The following ARHGAP15 variants were observed in gnomAD, a reference collection of about 807,000 sequenced individuals.
The protein encoded by ARHGAP15 is rho GTPase-activating protein 15.
A neutral mutation model predicts 63.7 loss-of-function variants in ARHGAP15; 51 were observed. The ratio of observed to expected loss-of-function variants is 0.80; its 90% confidence interval spans 0.64 to 1.01. The LOEUF is 1.01. Ranked by LOEUF, ARHGAP15 falls within the 50% of genes least tolerant of loss-of-function variation. ARHGAP15 has a pLI of 0.00. For synonymous variants in ARHGAP15, 191 were observed against 193.8 expected, an observed-to-expected ratio of 0.99 and a Z score of 0.12; for missense variants, 560 against 564.6, an observed-to-expected ratio of 0.99 and a Z score of 0.08.
intron 12 of ARHGAP15, among the ~76,000 whole-genome samples, chr2:143,688,721 G>A (rs977296254): frequency 6.6e-6 from 1 of 152,148 alleles, no homozygotes; most frequent in Non-Finnish European, 1.5e-5. Flanking sequence ...ACAATTTTGA[G>A]TATGCACACA....
intron 6 of ARHGAP15, among the ~76,000 whole-genome samples, chr2:143,297,458 A>T (rs1464474535): frequency 6.6e-6 from 1 of 151,966 alleles, no homozygotes; most frequent in Non-Finnish European, 1.5e-5. Flanking sequence ...AGACCCTGTC[A>T]TCCTGATCTT....
chr2:143,505,225 G>C (rs1559015381), intron 9 of ARHGAP15, among the ~76,000 whole-genome samples: 1 of 152,284 alleles, frequency 6.6e-6, no homozygotes, highest in East Asian at 1.9e-4. Flanking sequence ...TGCCAATACA[G>C]TAGGCAGATC....
At chr2:143,241,546 T>G (rs1319568288) in intron 5 of ARHGAP15, among the ~76,000 whole-genome samples, 1 of 152,208 alleles carries the variant, frequency 6.6e-6, no homozygotes, top group Non-Finnish European at 1.5e-5. Flanking sequence ...AAGATCTGCA[T>G]GTGCCTAGAA....
At chr2:143,535,440 T>C (rs1031903284) in intron 10 of ARHGAP15, among the ~76,000 whole-genome samples, 2 of 152,158 alleles carry the variant, frequency 1.3e-5, no homozygotes, top group Non-Finnish European at 2.9e-5. Flanking sequence ...TGTGAAATCC[T>C]CCAATAGGAT....
intron 2 of ARHGAP15, among the ~76,000 whole-genome samples, chr2:143,170,842 C>T (rs1396704228): frequency 6.6e-6 from 1 of 152,066 alleles, no homozygotes; most frequent in Non-Finnish European, 1.5e-5. Context: ...TATTATTAGT[C>T]AGCATTTTAT....
chr2:143,423,341 C>T (rs1398949690), intron 6 of ARHGAP15, among the ~76,000 whole-genome samples: 1 of 68,584 alleles, frequency 1.5e-5, no homozygotes, highest in African/African-American at 4.4e-5. Flanking sequence ...CAAATAAAAT[C>T]TGTTTTCTAC....
chr2:143,173,458 G>A (rs533848297), intron 2 of ARHGAP15, among the ~76,000 whole-genome samples: 2 of 151,950 alleles, frequency 1.3e-5, no homozygotes, highest in African/African-American at 2.4e-5. Context: ...TTCAAGGGAG[G>A]GAATATCTCA....
chr2:143,383,427 G>A (rs1373987419), intron 6 of ARHGAP15, among the ~76,000 whole-genome samples: 1 of 152,030 alleles, frequency 6.6e-6, no homozygotes, highest in Non-Finnish European at 1.5e-5. Flanking sequence ...TAATAAAATT[G>A]TTTTAATGTC....
chr2:143,601,383 C>G (rs1029893417), intron 11 of ARHGAP15: 15 of 152,090 alleles, frequency 9.9e-5, no homozygotes, highest in Non-Finnish European at 1.6e-4. Flanking sequence ...ATTTTGAAAG[C>G]TAAATGCTTT....
intron 6 of ARHGAP15, among the ~76,000 whole-genome samples, chr2:143,399,764 T>C (rs1687919050): frequency 6.6e-6 from 1 of 151,952 alleles, no homozygotes. Context: ...CTAGGGCTTT[T>C]CTAGGAATGT....
At chr2:143,582,415 C>A (rs563574866) in intron 11 of ARHGAP15, among the ~76,000 whole-genome samples, 1 of 152,116 alleles carries the variant, frequency 6.6e-6, no homozygotes. Flanking sequence ...TAGATGCAGA[C>A]TCTGTGCTTT....
chr2:143,521,393 T>C (rs1171405278), intron 10 of ARHGAP15, among the ~76,000 whole-genome samples: 1 of 152,238 alleles, frequency 6.6e-6, no homozygotes, highest in African/African-American at 2.4e-5. Flanking sequence ...CTTATATTTA[T>C]ACACCAATTC....
chr2:143,674,941 T>C (rs1456730457), intron 12 of ARHGAP15, among the ~76,000 whole-genome samples: 2 of 152,136 alleles, frequency 1.3e-5, no homozygotes, highest in Admixed American at 6.5e-5. Context: ...CAAATAGATT[T>C]GCCACATCAT....
At chr2:143,535,124 A>T (rs1257008876) in intron 10 of ARHGAP15, among the ~76,000 whole-genome samples, 1 of 152,162 alleles carries the variant, frequency 6.6e-6, no homozygotes, top group Non-Finnish European at 1.5e-5. Context: ...TTCTAAGTAC[A>T]GTAATATACT....
intron 12 of ARHGAP15, among the ~76,000 whole-genome samples, chr2:143,677,844 T>G (rs981513911): frequency 6.6e-6 from 1 of 152,180 alleles, no homozygotes; most frequent in African/African-American, 2.4e-5. Flanking sequence ...AAAGACAATG[T>G]GTATAACTGA....
chr2:143,270,765 T>G (rs1192132302), intron 6 of ARHGAP15, among the ~76,000 whole-genome samples: 3 of 152,198 alleles, frequency 2.0e-5, no homozygotes, highest in African/African-American at 7.2e-5. Flanking sequence ...ATCTCAATAT[T>G]GCTATAGCAT....
Position 143,585,353 on chromosome 2 carries a change from A to G in ARHGAP15, c.1003+28868A>G, listed in dbSNP as rs1032598204. Among the ~76,000 whole-genome samples the G allele has an allele frequency of 3.9e-5, 6 of 152,290 alleles. No homozygotes were observed. In the East Asian group the frequency reaches 9.6e-4, roughly 24 times the overall value. ...TAAAATTTAAATAATACAAAAATATACAAAGAAAAATTACATCATCTAGTC... is the reference window on the plus strand; with the variant it reads ...TAAAATTTAAATAATACAAAAATATGCAAAGAAAAATTACATCATCTAGTC... On this transcript the variant is annotated intron_variant, in intron 11 of 13. Coordinates refer to ENST00000295095, the MANE Select transcript of ARHGAP15 (RefSeq NM_018460.4).
intron 12 of ARHGAP15, among the ~76,000 whole-genome samples, chr2:143,677,791 A>G (rs1335651814): frequency 6.6e-6 from 1 of 152,230 alleles, no homozygotes; most frequent in Non-Finnish European, 1.5e-5. Flanking sequence ...AAGATACATA[A>G]TATGTAGTAC....
chr2:143,678,229 AAAGAGAGAAGAACCAAAAGAGG>A (rs1369604460), intron 12 of ARHGAP15, among the ~76,000 whole-genome samples: 2 of 152,164 alleles, frequency 1.3e-5, no homozygotes, highest in African/African-American at 4.8e-5. Context: ...AAAAGGAAAG[AAAGAGAGAAGAACCAAAAGAGG>A]AAGAATATCT....
Sources: gnomAD v4.1 joint callset for allele counts (sites outside exome capture counted in the v4.1 genomes callset) on GRCh38, gnomAD v4.1.1 for gene constraint, MANE v1.5 for transcripts, NCBI Gene and HGNC (gene_info 2026-07-23, HGNC 2026-07-21) for gene names.